SPMIP4: variants seen among roughly 807,000 people sequenced by gnomAD.
SPMIP4 encodes sperm-associated microtubule inner protein 4.
At chr7:25,146,240 G>A in the SPMIP4 span, among the ~76,000 whole-genome samples, 2 of 152,142 alleles carry the variant, frequency 1.3e-5, no homozygotes, top group African/African-American at 2.4e-5. Flanking sequence ...AAAGAGAGAC[G>A]GCTGAAGGGA....
At chr7:25,156,041 A>T in the SPMIP4 span, among the ~76,000 whole-genome samples, 4 of 152,254 alleles carry the variant, frequency 2.6e-5, no homozygotes, top group Non-Finnish European at 4.4e-5. Context: ...AAATAGGGTC[A>T]TTACAGATAT....
chr7:25,177,100 T>G, the SPMIP4 span, among the ~76,000 whole-genome samples: 1 of 152,200 alleles, frequency 6.6e-6, no homozygotes, highest in Non-Finnish European at 1.5e-5. Context: ...TTGTTCACAT[T>G]AGAAAGAAAA....
chr7:25,170,497 A>C, the SPMIP4 span, among the ~76,000 whole-genome samples: 3 of 152,204 alleles, frequency 2.0e-5, no homozygotes, highest in Admixed American at 2.0e-4. Flanking sequence ...TACTTACTTG[A>C]TAGTGTCCCT....
chr7:25,175,326 T>C, the SPMIP4 span, among the ~76,000 whole-genome samples: 1 of 152,176 alleles, frequency 6.6e-6, no homozygotes, highest in Non-Finnish European at 1.5e-5. Flanking sequence ...TGGTGTGATC[T>C]TGGCATACTA....
At chr7:25,145,026 G>A in the SPMIP4 span, among the ~76,000 whole-genome samples, 2 of 150,608 alleles carry the variant, frequency 1.3e-5, no homozygotes, top group East Asian at 1.9e-4. Context: ...GCAGTGGTGC[G>A]ATCTCGGCTC....
At chr7:25,161,889 T>C in the SPMIP4 span, among the ~76,000 whole-genome samples, 1 of 152,194 alleles carries the variant, frequency 6.6e-6, no homozygotes, top group African/African-American at 2.4e-5. Flanking sequence ...TGTATAGGAA[T>C]ATGCTTTTTC....
chr7:25,175,527 TG>T, the SPMIP4 span, among the ~76,000 whole-genome samples: 1 of 152,206 alleles, frequency 6.6e-6, no homozygotes, highest in South Asian at 2.1e-4. Flanking sequence ...AGTGCCATGA[TG>T]GCTGCATCTA....
chr7:25,136,890 C>G, the SPMIP4 span: 12,335 of 1,195,014 alleles, frequency 0.01, 88 homozygotes, highest in Non-Finnish European at 0.012. The surrounding 1 kb of genome is among the most constrained non-coding windows in gnomAD (Gnocchi z 5.7). Flanking sequence ...TCTGAGTACA[C>G]GAGATGGGCA....
the SPMIP4 span, among the ~76,000 whole-genome samples, chr7:25,155,652 T>G: frequency 2.3e-3 from 355 of 152,326 alleles, 2 homozygotes; most frequent in African/African-American, 8.2e-3. Context: ...GCCATCTGTT[T>G]CTTTAAGCAA....
At chr7:25,132,460 G>A in the SPMIP4 span, among the ~76,000 whole-genome samples, 1 of 152,174 alleles carries the variant, frequency 6.6e-6, no homozygotes, top group African/African-American at 2.4e-5. The surrounding 1 kb of genome is among the most constrained non-coding windows in gnomAD (Gnocchi z 5.0). Context: ...TAGGTATTCA[G>A]TGCCTGATAC....
the SPMIP4 span, among the ~76,000 whole-genome samples, chr7:25,147,313 T>C: frequency 6.6e-6 from 1 of 151,970 alleles, no homozygotes. Flanking sequence ...ATAAAACCTA[T>C]TTATGTTTGC....
the SPMIP4 span, among the ~76,000 whole-genome samples, chr7:25,177,136 A>G: frequency 1.3e-5 from 2 of 152,242 alleles, no homozygotes; most frequent in Non-Finnish European, 2.9e-5. Context: ...GAGCATTCAA[A>G]AATGGAATGG....
chr7:25,148,897 C>T, the SPMIP4 span, among the ~76,000 whole-genome samples: 1 of 152,192 alleles, frequency 6.6e-6, no homozygotes, highest in African/African-American at 2.4e-5. Flanking sequence ...GGTTCAGAGA[C>T]TCTGCCGCCG....
At chr7:25,126,532 C>T in the SPMIP4 span, among the ~76,000 whole-genome samples, 1 of 152,162 alleles carries the variant, frequency 6.6e-6, no homozygotes, top group Non-Finnish European at 1.5e-5. Flanking sequence ...ACATTGATTG[C>T]ATAAACAAAA....
the SPMIP4 span, among the ~76,000 whole-genome samples, chr7:25,166,306 T>G: frequency 7.1e-6 from 1 of 140,796 alleles, no homozygotes; most frequent in African/African-American, 2.7e-5. Context: ...AGAACAGGAT[T>G]GCCGGGCGTG....
the SPMIP4 span, among the ~76,000 whole-genome samples, chr7:25,129,106 A>G: frequency 1.3e-5 from 2 of 152,162 alleles, no homozygotes; most frequent in African/African-American, 4.8e-5. Flanking sequence ...TGGCTTGGAG[A>G]AGGGTGATGC....
chr7:25,151,827 GCTTGCT>G, the SPMIP4 span: 1 of 494,710 alleles, frequency 2.0e-6, no homozygotes, highest in Non-Finnish European at 3.5e-6. Flanking sequence ...GAGAGATTCA[GCTTGCT>G]CTTGAATTCT....
the SPMIP4 span, chr7:25,136,850 G>A: frequency 3.2e-6 from 5 of 1,543,074 alleles, no homozygotes; most frequent in South Asian, 2.4e-5. The surrounding 1 kb of genome is among the most constrained non-coding windows in gnomAD (Gnocchi z 5.7). Context: ...GCCACAAATG[G>A]TAGGTCAAAA....
At chr7:25,171,424 T>C in the SPMIP4 span, among the ~76,000 whole-genome samples, 2 of 152,218 alleles carry the variant, frequency 1.3e-5, no homozygotes, top group Non-Finnish European at 2.9e-5. Context: ...TCAAATCTTC[T>C]GGTTAGGAAC....
Sources: allele counts gnomAD v4.1 joint callset (sites outside exome capture counted in the v4.1 genomes callset), GRCh38; gene constraint gnomAD v4.1.1; non-coding constraint Gnocchi (gnomAD v3.1); transcripts MANE v1.5; gene names NCBI Gene and HGNC (gene_info 2026-07-23, HGNC 2026-07-21).